Variants in ASIC1 observed in about 807,000 individuals in gnomAD.
ASIC1 encodes the protein acid sensing ion channel subunit 1, also known as acid-sensing ion channel 1.
In ASIC1, 21 loss-of-function variants were observed where a neutral mutation model predicts 63.4. That is an observed-to-expected ratio of 0.33 (90% CI 0.23 to 0.48). The LOEUF is 0.48. ASIC1 is among the 20% of genes least tolerant of loss of function. ASIC1 has a pLI of 0.99. For missense variants in ASIC1, 478 were observed against 695.5 expected, an observed-to-expected ratio of 0.69 and a Z score of 3.52; for synonymous variants, 258 against 278.2, an observed-to-expected ratio of 0.93 and a Z score of 0.72.
At chr12:50,080,902 G>A (rs1477090761) in intron 9 of ASIC1, 200 bp from the exon 10 acceptor site, 1 of 825,466 alleles carries the variant, frequency 1.2e-6, no homozygotes, top group African/African-American at 1.7e-5. Flanking sequence ...AAAAACACCT[G>A]CTTGTTTTAG....
chr12:50,070,454 C>T (rs1011212365), intron 3 of ASIC1, among the ~76,000 whole-genome samples: 1 of 151,436 alleles, frequency 6.6e-6, no homozygotes, highest in Non-Finnish European at 1.5e-5. Context: ...ACCAGGGCTG[C>T]GTGTCTGTGT....
Position 50,078,484 on chromosome 12 carries a change from T to C in ASIC1, c.901T>C (p.Phe301Leu). 1 of 1,614,094 alleles carries C rather than the reference T, an allele frequency of 6.2e-7. No homozygotes were observed. The highest frequency in any genetic ancestry group is 1.1e-5 in the South Asian group (1 of 91,082). Residue 301 changes from phenylalanine to leucine, a missense_variant, in exon 6 of 12, where the codon TTC becomes CTC. Transcript: ENST00000447966. This position sits in a 1 kb window ranked among gnomAD's most constrained non-coding sequence, Gnocchi z 6.0. Reference protein sequence around the residue: ...KAVTMDSDLDFFDSYSITACR... With the variant: ...KAVTMDSDLDLFDSYSITACR... The stretch of plus-strand genomic sequence containing the variant: ...TGTTACCATGGACTCGGATTTGGAT[T>C]TCTTCGACTCCTACAGCATCACTGC...
At chr12:50,076,114 T>C (rs1049653277) in intron 3 of ASIC1, among the ~76,000 whole-genome samples, 33 of 152,172 alleles carry the variant, frequency 2.2e-4, no homozygotes, top group African/African-American at 8.0e-4. Flanking sequence ...CAGGTTCTGC[T>C]GATAATGGGA....
At chr12:50,065,878 G>A (rs755266470) in intron 3 of ASIC1, among the ~76,000 whole-genome samples, 6 of 152,242 alleles carry the variant, frequency 3.9e-5, no homozygotes, top group Non-Finnish European at 7.3e-5. Context: ...CTGGGGGTGA[G>A]ACTGTGGCAG....
rs766378044 is a variant in ASIC1 at position 50,081,350 on chromosome 12, G to A, written c.1468G>A (p.Asp490Asn). Reference sequence around the variant, plus strand: ...CAAGGGCGTGGCCCTCAGCCTGGACGACGTCAAAAGACACGTGAGGGAGCG... The same window carrying A: ...CAAGGGCGTGGCCCTCAGCCTGGACAACGTCAAAAGACACGTGAGGGAGCG... ...ADKGVALSLDDVKRHNPCESL... is the reference protein window; with the variant it reads ...ADKGVALSLDNVKRHNPCESL... Residue 490 changes from aspartate to asparagine, a missense_variant, in exon 11 of 12, where the codon GAC (aspartate) becomes AAC (asparagine). Coordinates refer to ENST00000447966, the MANE Select transcript of ASIC1 (RefSeq NM_001095.4). 3 of 1,604,416 alleles carry A rather than the reference G, an allele frequency of 1.9e-6. No homozygotes were observed. Among genetic ancestry groups the A allele is most frequent in the Non-Finnish European group, 2.6e-6 (3 of 1,175,606 alleles).
intron 3 of ASIC1, among the ~76,000 whole-genome samples, chr12:50,072,016 G>T (rs1295638117): frequency 6.6e-6 from 1 of 152,204 alleles, no homozygotes; most frequent in Admixed American, 6.5e-5. Context: ...TAGAGCTCAA[G>T]ACTCTGCTTC....
rs756836801 is a variant in ASIC1 at position 50,081,384 on chromosome 12, C to A, written c.1482+20C>A. 2 of 1,564,646 alleles carry A rather than the reference C, an allele frequency of 1.3e-6. No homozygotes were observed. The highest frequency in any genetic ancestry group is 1.4e-5 in the African/African-American group (1 of 73,728). ...AGACACGTGAGGGAGCGAGCGAGGG[C>A]GCCCTCCAGCCCGCCTGTGCCTCCA... On this transcript the variant is annotated intron_variant, in intron 11 of 11. Transcript: ENST00000447966.
At position 50,077,368 on chromosome 12, in the gene ASIC1, G is replaced by A; in HGVS notation, c.709+5G>A. On this transcript the variant is annotated splice_donor_5th_base_variant and intron_variant, in intron 4 of 11. Coordinates refer to ENST00000447966, the MANE Select transcript of ASIC1 (RefSeq NM_001095.4). ...TGCCTGTGTGGGGGGAGACTGGTACGTCACCCACTTCAGGGGCCCCTCTGC... is the reference window on the plus strand; with the variant it reads ...TGCCTGTGTGGGGGGAGACTGGTACATCACCCACTTCAGGGGCCCCTCTGC... 1 of 1,614,126 alleles carries A rather than the reference G, an allele frequency of 6.2e-7. No homozygotes were observed. Among genetic ancestry groups the A allele is most frequent in the Non-Finnish European group, 8.5e-7 (1 of 1,180,002 alleles).
intron 3 of ASIC1, among the ~76,000 whole-genome samples, chr12:50,064,003 G>T (rs1375102267): frequency 1.3e-5 from 2 of 152,156 alleles, no homozygotes; most frequent in Admixed American, 6.5e-5. Flanking sequence ...GGGAAAGGCT[G>T]CCCAGACTGC....
At chr12:50,081,394 C>G (rs1950716324) in intron 11 of ASIC1, 30 bp downstream of exon 11, 1 of 1,555,148 alleles carries the variant, frequency 6.4e-7, no homozygotes, top group Non-Finnish European at 8.7e-7. Flanking sequence ...CGCCCTCCAG[C>G]CCGCCTGTGC....
rs1191945853 is a variant in ASIC1 at position 50,081,632 on chromosome 12, G to A, written c.1570G>A (p.Glu524Lys). ...LPHHPARGTF[E>K]DFTC ...TCACCATCCGGCCCGAGGCACGTTC[G>A]AGGACTTTACCTGCTGAGCCCCGCA... Residue 524 changes from glutamate to lysine, a missense_variant, in exon 12 of 12, where the codon GAG becomes AAG. This residue lies in a region of ASIC1 where 104 missense variants were observed against 97.0 expected (regional missense o/e 1.07). Coordinates refer to ENST00000447966, the MANE Select transcript of ASIC1 (RefSeq NM_001095.4). 1.9e-6 allele frequency: 3 copies of A among 1,613,944 alleles called. No homozygotes were observed. The highest frequency in any genetic ancestry group is 2.5e-6 in the Non-Finnish European group (3 of 1,179,980).
Position 50,081,703 on chromosome 12 carries a change from G to T in ASIC1, c.*54G>T. The T allele has an allele frequency of 6.4e-7, 1 of 1,561,916 alleles. No individual in the cohort carries two copies. The highest frequency in any genetic ancestry group is 8.7e-7 in the Non-Finnish European group (1 of 1,147,860). ...AGATGGGGAGGACTAGGAGAGCGAGGGGGCCCCCAGCTGCCTCCTCACATC... is the reference window on the plus strand; with the variant it reads ...AGATGGGGAGGACTAGGAGAGCGAGTGGGCCCCCAGCTGCCTCCTCACATC... On this transcript the variant is annotated 3_prime_UTR_variant, in exon 12 of 12. Transcript: ENST00000447966.
At chr12:50,077,509 A>G in intron 4 of ASIC1, 146 bp downstream of exon 4, 1 of 1,207,888 alleles carries the variant, frequency 8.3e-7, no homozygotes, top group Non-Finnish European at 1.1e-6. Context: ...CACTGACTCT[A>G]CCTGACTTCC....
Position 50,059,779 on chromosome 12 carries a change from A to G in ASIC1, c.383A>G (p.Gln128Arg), listed in dbSNP as rs1470823740. 6.2e-6 allele frequency: 10 copies of G among 1,613,648 alleles called. No individual in the cohort carries two copies. The highest frequency in any genetic ancestry group is 8.5e-6 in the Non-Finnish European group (10 of 1,179,816). ...CCCAGGTATGAGATACCAGACACAC[A>G]GATGGCAGATGAAAAGCAGCTGGAG... is the stretch of plus-strand genomic sequence containing the variant. Reference protein sequence around the residue: ...LNNRYEIPDTQMADEKQLEIL... With the variant: ...LNNRYEIPDTRMADEKQLEIL... Residue 128 changes from glutamine to arginine, a missense_variant, in exon 3 of 12, where the codon CAG becomes CGG. This residue lies in a region of ASIC1 where 290 missense variants were observed against 414.9 expected (regional missense o/e 0.70). Transcript: ENST00000447966. This position sits in a 1 kb window ranked among gnomAD's most constrained non-coding sequence, Gnocchi z 4.6.
At chr12:50,064,287 A>G (rs1358853936) in intron 3 of ASIC1, among the ~76,000 whole-genome samples, 1 of 152,064 alleles carries the variant, frequency 6.6e-6, no homozygotes, top group Non-Finnish European at 1.5e-5. Flanking sequence ...TGGAGAGAGG[A>G]GATGGGAGCA....
intron 3 of ASIC1, among the ~76,000 whole-genome samples, chr12:50,060,927 CCT>C (rs1175289945): frequency 2.0e-5 from 3 of 152,196 alleles, no homozygotes; most frequent in Admixed American, 2.0e-4. Context: ...AATCACATTA[CCT>C]CTGTTTTACA....
intron 3 of ASIC1, chr12:50,077,006 C>T: frequency 1.2e-6 from 1 of 832,990 alleles, no homozygotes; most frequent in Middle Eastern, 2.2e-4. Flanking sequence ...GGCGATGCAC[C>T]CTACCAGGAA....
intron 9 of ASIC1, 172 bp downstream of exon 9, chr12:50,080,761 T>A: frequency 1.3e-6 from 2 of 1,569,868 alleles, no homozygotes; most frequent in South Asian, 1.1e-5. Context: ...GAGCCTTCTC[T>A]TAGGGCAAAG....
rs1592264319 is a variant in ASIC1 at position 50,060,007 on chromosome 12, G to A, written c.558+53G>A. On this transcript the variant is annotated intron_variant, in intron 3 of 11. Transcript: ENST00000447966. ...CAGCCTGGCCCACAGAGGAGGAGGA[G>A]GAGACAAGGAGCAGGCTGGGCCTCT... 5.0e-6 allele frequency: 8 copies of A among 1,593,776 alleles called. No homozygotes were observed. In the South Asian group the frequency reaches 6.6e-5, roughly 13 times the overall value.
Sources: gnomAD v4.1 joint callset for allele counts (sites outside exome capture counted in the v4.1 genomes callset) on GRCh38, gnomAD v4.1.1 for gene constraint, gnomAD v4.1.1 regional missense constraint, Gnocchi (gnomAD v3.1) non-coding constraint, MANE v1.5 for transcripts, NCBI Gene and HGNC (gene_info 2026-07-23, HGNC 2026-07-21) for gene names.